SRGAP3: variants seen among roughly 807,000 people sequenced by gnomAD.
SRGAP3 encodes SLIT-ROBO Rho GTPase-activating protein 3.
In SRGAP3, 39 loss-of-function variants were observed where a neutral mutation model predicts 121.1. That is an observed-to-expected ratio of 0.32 (90% CI 0.25 to 0.42). The LOEUF (loss-of-function observed/expected upper bound fraction) is 0.42, where lower values mean the gene tolerates loss of function less well. Among genes scored for constraint, SRGAP3 ranks in the 10% least tolerant of loss-of-function variants. The pLI, the probability that SRGAP3 is intolerant of heterozygous loss-of-function variation, is 1.00. For synonymous variants in SRGAP3, 601 were observed against 570.0 expected, an observed-to-expected ratio of 1.05 and a Z score of -0.77; for missense variants, 1,213 against 1,470.6, an observed-to-expected ratio of 0.82 and a Z score of 2.86.
chr3:9,186,677 C>T (rs1189588345), intron 1 of SRGAP3, among the ~76,000 whole-genome samples: 2 of 152,154 alleles, frequency 1.3e-5, no homozygotes, highest in Non-Finnish European at 2.9e-5. Context: ...CAACTCCCGC[C>T]CTCCCCAAAC....
chr3:9,297,652 T>C (rs192434003), intron 3 of SRGAP3, among the ~76,000 whole-genome samples: 1 of 152,124 alleles, frequency 6.6e-6, no homozygotes, highest in African/African-American at 2.4e-5. Context: ...TCCCAGCACT[T>C]TGGGAGCCCG....
At chr3:9,316,516 G>A (rs1445475775) in intron 3 of SRGAP3, among the ~76,000 whole-genome samples, 2 of 152,066 alleles carry the variant, frequency 1.3e-5, no homozygotes, top group Non-Finnish European at 2.9e-5. Context: ...AAAATTAGCT[G>A]GGCATGGTGG....
At chr3:9,307,331 CT>C (rs1290476163) in intron 3 of SRGAP3, among the ~76,000 whole-genome samples, 2 of 152,206 alleles carry the variant, frequency 1.3e-5, no homozygotes, top group East Asian at 3.8e-4. Context: ...CATCAAACCT[CT>C]GGAAGGAGTT....
At chr3:9,208,966 A>G (rs899153263) in intron 1 of SRGAP3, among the ~76,000 whole-genome samples, 1 of 152,244 alleles carries the variant, frequency 6.6e-6, no homozygotes. Context: ...CAAAAAATCC[A>G]GACTCACTTC....
intron 20 of SRGAP3, chr3:8,992,691 TTCC>T (rs375533290): frequency 1.1e-4 from 77 of 684,718 alleles, no homozygotes; most frequent in Non-Finnish European, 1.3e-4. Context: ...ACACATGTCT[TTCC>T]TCCTCCTCCT....
chr3:9,118,398 C>G (rs1948879935), intron 2 of SRGAP3, among the ~76,000 whole-genome samples: 1 of 152,156 alleles, frequency 6.6e-6, no homozygotes, highest in African/African-American at 2.4e-5. Flanking sequence ...CAAGACCATC[C>G]ACCTACCCCA....
In SRGAP3 at chr3:8,984,994, G is replaced by A. The variant is rs1486222202; in HGVS notation, c.*525C>T. The stretch of plus-strand genomic sequence containing the variant: ...CTCGGTGGGAGATGTTTGGTGGCAT[G>A]GATCTGAGGTAAATCTAAGTTTCAT... On this transcript the variant is annotated 3_prime_UTR_variant, in exon 22 of 22. Transcript: ENST00000383836. The A allele has an allele frequency of 4.4e-6, 1 of 228,444 alleles. No homozygotes were observed. The highest frequency in any genetic ancestry group is 2.2e-5 in the African/African-American group (1 of 44,996). 14.2% of individuals were successfully genotyped at this position (228,444 alleles called of 1,614,324 possible).
chr3:9,264,012 C>T (rs1011915049), intron 3 of SRGAP3, among the ~76,000 whole-genome samples: 4 of 152,202 alleles, frequency 2.6e-5, no homozygotes, highest in Non-Finnish European at 5.9e-5. Flanking sequence ...CGTTCTAAAG[C>T]TTATCCACCA....
chr3:9,251,833 C>G (rs574026445), upstream of SRGAP3, among the ~76,000 whole-genome samples: 2 of 152,130 alleles, frequency 1.3e-5, no homozygotes, highest in African/African-American at 4.8e-5. Flanking sequence ...TACCTTCTGG[C>G]TCTGCTGTGC....
At chr3:9,152,020 C>G (rs1219909041) in intron 1 of SRGAP3, among the ~76,000 whole-genome samples, 1 of 152,216 alleles carries the variant, frequency 6.6e-6, no homozygotes, top group Admixed American at 6.5e-5. Flanking sequence ...TCCCCAACCT[C>G]TGCCTTAATG....
chr3:9,049,177 A>G (rs1945433276), intron 9 of SRGAP3: 1 of 323,182 alleles, frequency 3.1e-6, no homozygotes, highest in African/African-American at 2.2e-5. Flanking sequence ...CCACCTTCCC[A>G]TTGACAGCTA....
At chr3:9,047,681 C>T (rs1945358864) in intron 9 of SRGAP3, among the ~76,000 whole-genome samples, 2 of 152,222 alleles carry the variant, frequency 1.3e-5, no homozygotes, top group East Asian at 3.9e-4. Context: ...GGAGGCCAGG[C>T]CCTTGGAGGG....
chr3:9,242,199 G>A (rs1953670581), intron 1 of SRGAP3, among the ~76,000 whole-genome samples: 1 of 152,060 alleles, frequency 6.6e-6, no homozygotes, highest in Non-Finnish European at 1.5e-5. Context: ...TACAAGCCAG[G>A]AAGCAGGCCG....
At chr3:9,060,036 G>T in intron 6 of SRGAP3, 195 bp downstream of exon 6, 1 of 868,788 alleles carries the variant, frequency 1.2e-6, no homozygotes, top group Non-Finnish European at 1.8e-6. Context: ...TCCCACTCGT[G>T]AAAATAGACA....
At chr3:9,182,851 T>A (rs908317648) in intron 1 of SRGAP3, among the ~76,000 whole-genome samples, 5 of 151,836 alleles carry the variant, frequency 3.3e-5, no homozygotes, top group African/African-American at 1.2e-4. Flanking sequence ...GAGATGGAGG[T>A]CTCACTGTGT....
intron 1 of SRGAP3, among the ~76,000 whole-genome samples, chr3:9,204,760 C>T (rs901509309): frequency 6.6e-6 from 1 of 152,208 alleles, no homozygotes; most frequent in African/African-American, 2.4e-5. Flanking sequence ...CAGGCCCTCC[C>T]TACCCCCAGC....
intron 13 of SRGAP3, 118 bp downstream of exon 13, chr3:9,026,817 C>G: frequency 8.6e-7 from 1 of 1,167,554 alleles, no homozygotes; most frequent in Non-Finnish European, 1.3e-6. Flanking sequence ...CTTTCCCCCT[C>G]CAAAGCAGAG....
chr3:9,161,585 G>C (rs112139138), intron 1 of SRGAP3, among the ~76,000 whole-genome samples: 1 of 152,258 alleles, frequency 6.6e-6, no homozygotes, highest in Non-Finnish European at 1.5e-5. Context: ...AATAAATGCT[G>C]AATTGAGTCC....
rs1032968971 is a variant in SRGAP3, at chr3:9,047,149, A to AT, written c.1408+241dup. ...GCCCAGCCTCTATTTTCTTTATTTTATTTTTTTTCTTTCTATTAATCAAAA... is the reference window on the plus strand; with the variant it reads ...GCCCAGCCTCTATTTTCTTTATTTTATTTTTTTTTCTTTCTATTAATCAAAA... On this transcript the variant is annotated intron_variant, in intron 10 of 21. Coordinates refer to ENST00000383836, the MANE Select transcript of SRGAP3 (RefSeq NM_014850.4). 4.6e-5 allele frequency among the ~76,000 whole-genome samples: 7 copies of AT among 151,416 alleles called. No individual in the cohort carries two copies. In the South Asian group the frequency reaches 1.3e-3, roughly 27 times the overall value.
Sources: gnomAD v4.1 joint callset for allele counts (sites outside exome capture counted in the v4.1 genomes callset) on GRCh38, gnomAD v4.1.1 for gene constraint, MANE v1.5 for transcripts, NCBI Gene and HGNC (gene_info 2026-07-23, HGNC 2026-07-21) for gene names.